The following AJAP1 variants were observed in gnomAD, a reference collection of about 807,000 sequenced individuals.
AJAP1 encodes the protein adherens junctions associated protein 1.
Under a neutral mutation model 35.0 loss-of-function variants are expected in AJAP1, and 5 were observed. The observed-to-expected ratio is 0.14, with a 90% confidence interval of 0.07 to 0.30. AJAP1 has a LOEUF of 0.30. Among genes scored for constraint, AJAP1 ranks in the 10% least tolerant of loss-of-function variants. The pLI is 1.00. For missense variants in AJAP1, 586 were observed against 571.0 expected (o/e 1.03, Z -0.27); for synonymous variants, 284 against 249.3 (o/e 1.14, Z -1.31).
chr1:4,732,314 C>A (rs921352594), intron 2 of AJAP1, among the ~76,000 whole-genome samples: 1 of 152,366 alleles, frequency 6.6e-6, no homozygotes, highest in South Asian at 2.1e-4. Context: ...CCTAATGCCA[C>A]CATCCTTCTA....
At chr1:4,676,927 C>A (rs1365978893) in intron 1 of AJAP1, among the ~76,000 whole-genome samples, 1 of 152,154 alleles carries the variant, frequency 6.6e-6, no homozygotes, top group Non-Finnish European at 1.5e-5. Flanking sequence ...GAGGCCGAGG[C>A]AGGTGGATCA....
At position 4,787,983 on chromosome 1, in the gene AJAP1, C is replaced by T. The variant is rs1283858599; in HGVS notation, c.*5498C>T. On this transcript the variant is annotated 3_prime_UTR_variant, in exon 6 of 6. Transcript: ENST00000378191. ...CTTTGGTGCAGTTTGTCAATTTGCT[C>T]TACCATACTGTTTTTTGATTATTTG... is the stretch of plus-strand genomic sequence containing the variant. The T allele has an allele frequency of 3.1e-6, 1 of 323,656 alleles. No individual in the cohort carries two copies. Among genetic ancestry groups the T allele is most frequent in the Non-Finnish European group, 6.2e-6 (1 of 161,780 alleles). The allele number at this position is 323,656 out of a possible 1,614,324, so 20.0% of individuals were successfully genotyped here. A position where few individuals can be genotyped will look rare whatever the true frequency, so the allele number is the denominator to read the frequency against.
chr1:4,664,193 C>T (rs1639065348), intron 1 of AJAP1, among the ~76,000 whole-genome samples: 1 of 152,200 alleles, frequency 6.6e-6, no homozygotes, highest in Non-Finnish European at 1.5e-5. Flanking sequence ...AGGCACTCAG[C>T]TCCAGCATCT....
In AJAP1 at chr1:4,786,076, T is replaced by C. The variant is rs1157504627; in HGVS notation, c.*3591T>C. 1 of 152,200 alleles carries C rather than the reference T, an allele frequency of 6.6e-6. No individual in the cohort carries two copies. The highest frequency in any genetic ancestry group is 1.5e-5 in the Non-Finnish European group (1 of 68,056). The allele number at this position is 152,200 out of a possible 1,614,324, so 9.4% of individuals were successfully genotyped here. ...TGAGAAAGGCAGGGTTCTCCAGGCA[T>C]GGTCAGGGAGCTTCCCCACCGTTTC... is the stretch of plus-strand genomic sequence containing the variant. On this transcript the variant is annotated 3_prime_UTR_variant, in exon 6 of 6. Coordinates refer to ENST00000378191, the MANE Select transcript of AJAP1 (RefSeq NM_018836.4).
chr1:4,669,831 G>A (rs536916660), intron 1 of AJAP1, among the ~76,000 whole-genome samples: 1 of 152,266 alleles, frequency 6.6e-6, no homozygotes, highest in Non-Finnish European at 1.5e-5. Context: ...GGACATTTGG[G>A]TTGTTTCCAC....
chr1:4,711,993 T>C lies in AJAP1; in HGVS notation c.123T>C (p.Cys41=), dbSNP rs1061968. 0.4 allele frequency: 635,608 copies of C among 1,588,890 alleles called. 132,739 individuals are homozygous for C. The highest frequency in any genetic ancestry group is 0.66 in the East Asian group (27,592 of 42,086). The change falls in exon 2 of 6, where the codon TGT becomes TGC. Residue 41 remains cysteine (C), a synonymous_variant. Coordinates refer to ENST00000378191, the MANE Select transcript of AJAP1 (RefSeq NM_018836.4). ...MFQLAVDLPA[C]EALGPGPEFW... is the part of the protein sequence containing the mutation. ...AGCTCGCCGTGGACCTGCCCGCCTG[T>C]GAGGCCCTGGGCCCGGGGCCGGAGT...
chr1:4,710,782 G>A (rs540640058), intron 1 of AJAP1, among the ~76,000 whole-genome samples: 1 of 152,232 alleles, frequency 6.6e-6, no homozygotes, highest in Non-Finnish European at 1.5e-5. Context: ...GGTGGAAGAG[G>A]GAGCGTGGGC....
At chr1:4,762,390 C>CTG (rs1641586003) in intron 2 of AJAP1, among the ~76,000 whole-genome samples, 1 of 152,136 alleles carries the variant, frequency 6.6e-6, no homozygotes, top group South Asian at 2.1e-4. Context: ...GGAACTAGGG[C>CTG]CGTGGGGTAT....
intron 3 of AJAP1, among the ~76,000 whole-genome samples, chr1:4,770,644 A>T (rs1160582997): frequency 1.3e-5 from 2 of 152,184 alleles, no homozygotes; most frequent in Admixed American, 1.3e-4. Flanking sequence ...ACTCCCTCAT[A>T]GAATAACAGA....
rs1642100329 is a variant in AJAP1 at position 4,783,228 on chromosome 1, A to C, written c.*743A>C. 1 of 163,072 alleles carries C rather than the reference A, an allele frequency of 6.1e-6. No individual in the cohort carries two copies. Among genetic ancestry groups the C allele is most frequent in the African/African-American group, 2.4e-5 (1 of 41,626 alleles). The allele number at this position is 163,072 out of a possible 1,614,324, so 10.1% of individuals were successfully genotyped here. A position where few individuals can be genotyped will look rare whatever the true frequency, so the allele number is the denominator to read the frequency against. On this transcript the variant is annotated 3_prime_UTR_variant, in exon 6 of 6. Coordinates refer to ENST00000378191, the MANE Select transcript of AJAP1 (RefSeq NM_018836.4). ...CATATTACACACATGTGCGCATTAC[A>C]CACACACAATACACATACATGCATA...
rs1047671197 is a variant in AJAP1 at position 4,720,713 on chromosome 1, G to A, written c.829+8014G>A. 2.6e-5 allele frequency among the ~76,000 whole-genome samples: 4 copies of A among 152,222 alleles called. No homozygotes were observed. The highest frequency in any genetic ancestry group is 7.2e-5 in the African/African-American group (3 of 41,464). Reference sequence around the variant, plus strand: ...ATGCACGAAGCCCACCTCACCGGTGGCTCTGCCAGGGTAATCGAATGGTGT... The same window carrying A: ...ATGCACGAAGCCCACCTCACCGGTGACTCTGCCAGGGTAATCGAATGGTGT... On this transcript the variant is annotated intron_variant, in intron 2 of 5. Coordinates refer to ENST00000378191, the MANE Select transcript of AJAP1 (RefSeq NM_018836.4). This position sits in a 1 kb window ranked among gnomAD's most constrained non-coding sequence, Gnocchi z 4.4.
At position 4,792,030 on chromosome 1, in the gene AJAP1, C is replaced by T. The variant is rs1437751663; in HGVS notation, c.*9545C>T. On this transcript the variant is annotated 3_prime_UTR_variant, in exon 6 of 6. Transcript: ENST00000378191. Reference sequence around the variant, plus strand: ...ATGTTTTAGAACTTTATTCCCCCGCCCCCTCACCCATGTATACCAAAACTG... The same window carrying T: ...ATGTTTTAGAACTTTATTCCCCCGCTCCCTCACCCATGTATACCAAAACTG... 1.3e-5 allele frequency: 2 copies of T among 152,152 alleles called. No individual in the cohort carries two copies. Among genetic ancestry groups the T allele is most frequent in the Admixed American group, 1.3e-4 (2 of 15,274 alleles). The allele number at this position is 152,152 out of a possible 1,614,324, so 9.4% of individuals were successfully genotyped here.
intron 2 of AJAP1, among the ~76,000 whole-genome samples, chr1:4,751,939 C>T (rs76270994): frequency 0.19 from 29,484 of 152,060 alleles, 3,618 homozygotes; most frequent in Admixed American, 0.31. Flanking sequence ...TGAGTCCCTG[C>T]CCACACCCCA....
At chr1:4,728,431 A>C (rs1353998608) in intron 2 of AJAP1, among the ~76,000 whole-genome samples, 1 of 152,176 alleles carries the variant, frequency 6.6e-6, no homozygotes, top group Non-Finnish European at 1.5e-5. Context: ...CCACAGCCAA[A>C]TGCACCTGCG....
At chr1:4,780,648 G>C (rs59108047) in intron 5 of AJAP1, among the ~76,000 whole-genome samples, 3,514 of 38,694 alleles carry the variant, frequency 0.091, 75 homozygotes, top group Non-Finnish European at 0.14. Context: ...TTTTTTTTTT[G>C]TGGGACACAG....
intron 1 of AJAP1, among the ~76,000 whole-genome samples, chr1:4,666,077 CA>C (rs1057327585): frequency 5.3e-5 from 8 of 151,918 alleles, no homozygotes; most frequent in Non-Finnish European, 1.0e-4. Context: ...TGAAATAGCC[CA>C]CTGAGGCTCC....
intron 1 of AJAP1, among the ~76,000 whole-genome samples, chr1:4,668,153 G>T (rs1639176088): frequency 6.6e-6 from 1 of 152,018 alleles, no homozygotes; most frequent in African/African-American, 2.4e-5. Flanking sequence ...GGCAGAGGTT[G>T]CAGTGAGCTG....
chr1:4,711,887 C>A lies in AJAP1; in HGVS notation c.30-13C>A. On this transcript the variant is annotated splice_polypyrimidine_tract_variant and intron_variant, in intron 1 of 5. Transcript: ENST00000378191. ...TCCACTGACCGCTCTTCTCTCCTTT[C>A]CCCCCCGCACAGCTCCATGTCCATC... 2 of 1,446,544 alleles carry A rather than the reference C, an allele frequency of 1.4e-6. No homozygotes were observed. The highest frequency in any genetic ancestry group is 1.8e-6 in the Non-Finnish European group (2 of 1,099,210). The allele number at this position is 1,446,544 out of a possible 1,614,324, so 89.6% of individuals were successfully genotyped here. A position where few individuals can be genotyped will look rare whatever the true frequency, so the allele number is the denominator to read the frequency against.
intron 2 of AJAP1, among the ~76,000 whole-genome samples, chr1:4,733,289 C>A (rs1640842573): frequency 6.6e-6 from 1 of 152,002 alleles, no homozygotes; most frequent in Non-Finnish European, 1.5e-5. Context: ...AGCCGTGGGT[C>A]TGTGCTTCCC....
Sources: allele counts gnomAD v4.1 joint callset (sites outside exome capture counted in the v4.1 genomes callset), GRCh38; gene constraint gnomAD v4.1.1; non-coding constraint Gnocchi (gnomAD v3.1); transcripts MANE v1.5; gene names NCBI Gene and HGNC (gene_info 2026-07-23, HGNC 2026-07-21).